Variants in SOS1 observed in about 807,000 individuals in gnomAD.
The protein encoded by SOS1 is SOS Ras/Rac guanine nucleotide exchange factor 1.
In SOS1, 25 loss-of-function variants were observed where a neutral mutation model predicts 157.6. The observed-to-expected ratio is 0.16, with a 90% CI of 0.12 to 0.22. SOS1 has a LOEUF of 0.22. Among genes scored for constraint, SOS1 ranks in the 10% least tolerant of loss-of-function variants. The probability of loss-of-function intolerance (pLI) is 1.00; values close to 1 mark genes in which losing one functional copy is unlikely to be tolerated. For missense variants in SOS1, 1,237 were observed against 1,599.1 expected (o/e 0.77, Z 3.86); for synonymous variants, 528 against 534.0 (o/e 0.99, Z 0.16).
rs1345189876 is a variant in SOS1 at position 38,989,257 on chromosome 2, CAAATAT to C, written c.3391+7_3391+12del. The C allele has an allele frequency of 1.3e-6, 2 of 1,574,768 alleles. No homozygotes were observed. Among genetic ancestry groups the C allele is most frequent in the African/African-American group, 2.7e-5 (2 of 74,010 alleles). ...AAAGCAAGAATTATGAGTCTTAAAC[CAAATAT>C]ACTAACTTGGGCCATGGGGCAGAGT... On this transcript the variant is annotated splice_region_variant and intron_variant, in intron 21 of 22. Transcript: ENST00000402219.
intron 1 of SOS1, among the ~76,000 whole-genome samples, chr2:39,090,506 G>C (rs559358453): frequency 2.6e-5 from 4 of 151,962 alleles, no homozygotes; most frequent in Non-Finnish European, 5.9e-5. Context: ...GACTGGCCTG[G>C]CCAACATGGC....
intron 8 of SOS1, among the ~76,000 whole-genome samples, chr2:39,034,058 T>C (rs1395817980): frequency 6.6e-6 from 1 of 152,244 alleles, no homozygotes; most frequent in Non-Finnish European, 1.5e-5. Context: ...TACTAAATGC[T>C]TCCTCTCTTG....
At chr2:39,117,028 CT>C (rs530087122) in intron 1 of SOS1, among the ~76,000 whole-genome samples, 15,425 of 138,422 alleles carry the variant, frequency 0.11, 759 homozygotes, top group East Asian at 0.18. Flanking sequence ...ATGTCATTTA[CT>C]TTTTTTTTTT....
intron 15 of SOS1, among the ~76,000 whole-genome samples, chr2:39,010,253 T>G (rs555194532): frequency 2.0e-5 from 3 of 150,958 alleles, no homozygotes; most frequent in Admixed American, 1.3e-4. Flanking sequence ...AAGGTGGAGG[T>G]TGCAGTGAGC....
At chr2:39,034,764 A>T (rs1670285837) in intron 8 of SOS1, 1 of 455,476 alleles carries the variant, frequency 2.2e-6, no homozygotes, top group Non-Finnish European at 4.4e-6. Flanking sequence ...AAAGTCAGGT[A>T]AACTAACCTT....
rs1264728625 is a variant in SOS1, at chr2:39,036,699, G to A, written c.865-1199C>T. On this transcript the variant is annotated intron_variant, in intron 6 of 22. Coordinates refer to ENST00000402219, the MANE Select transcript of SOS1 (RefSeq NM_005633.4). ...CGCCATTCTCCTGCCTCAGCCTCCC[G>A]AGTAGCTGGGATTACAGGCATCCGC... Among the ~76,000 whole-genome samples, 19 of 151,818 alleles carry A rather than the reference G, an allele frequency of 1.3e-4. 1 individual carries two copies. Among genetic ancestry groups the A allele is most frequent in the Admixed American group, 1.2e-3 (19 of 15,240 alleles).
intron 8 of SOS1, among the ~76,000 whole-genome samples, chr2:39,030,115 G>C (rs562868726): frequency 8.2e-4 from 125 of 151,970 alleles, no homozygotes; most frequent in African/African-American, 2.5e-3. Context: ...ACAGTGAGCT[G>C]TGATAGCACC....
chr2:39,045,740 T>TA (rs1231633663), intron 6 of SOS1, among the ~76,000 whole-genome samples: 1 of 152,162 alleles, frequency 6.6e-6, no homozygotes, highest in Non-Finnish European at 1.5e-5. Flanking sequence ...GACGGAGTCT[T>TA]GCTCTGTCGC....
intron 1 of SOS1, among the ~76,000 whole-genome samples, chr2:39,092,852 C>A (rs963804669): frequency 6.6e-6 from 1 of 152,178 alleles, no homozygotes; most frequent in Admixed American, 6.5e-5. Flanking sequence ...TAAAAATAGT[C>A]TCTCCAAACT....
chr2:39,030,803 T>C (rs1266578721), intron 8 of SOS1, among the ~76,000 whole-genome samples: 2 of 152,168 alleles, frequency 1.3e-5, no homozygotes, highest in Admixed American at 1.3e-4. Context: ...CAAGTTGAGA[T>C]GAGATCATCT....
chr2:39,074,082 G>A (rs917315545), intron 1 of SOS1, among the ~76,000 whole-genome samples: 1 of 151,942 alleles, frequency 6.6e-6, no homozygotes, highest in African/African-American at 2.4e-5. Flanking sequence ...GGGCGCGGTG[G>A]CCTACGCCTG....
chr2:39,055,162 T>C (rs1400498401), intron 4 of SOS1, among the ~76,000 whole-genome samples: 1 of 152,186 alleles, frequency 6.6e-6, no homozygotes, highest in African/African-American at 2.4e-5. Context: ...ATCATCACTT[T>C]ATTCCATGGC....
At chr2:39,026,962 A>G (rs940282519) in intron 8 of SOS1, among the ~76,000 whole-genome samples, 1 of 152,178 alleles carries the variant, frequency 6.6e-6, no homozygotes, top group Non-Finnish European at 1.5e-5. Context: ...CTTAAGGCAA[A>G]TTTAATGAAA....
intron 8 of SOS1, among the ~76,000 whole-genome samples, chr2:39,031,661 T>A (rs149541492): frequency 1.3e-5 from 2 of 151,988 alleles, no homozygotes; most frequent in African/African-American, 4.8e-5. Context: ...AAGGCAGAGT[T>A]TGCAGTGAGC....
intron 1 of SOS1, among the ~76,000 whole-genome samples, chr2:39,086,749 G>C (rs1167003781): frequency 6.6e-6 from 1 of 152,128 alleles, no homozygotes; most frequent in Non-Finnish European, 1.5e-5. Flanking sequence ...AAGGGAGTCT[G>C]CTGACTCCTG....
intron 1 of SOS1, among the ~76,000 whole-genome samples, chr2:39,079,751 C>G (rs1009373800): frequency 1.3e-5 from 2 of 152,046 alleles, no homozygotes; most frequent in African/African-American, 2.4e-5. Flanking sequence ...CCTTGGCCTC[C>G]CAAAGTGCTG....
intron 1 of SOS1, among the ~76,000 whole-genome samples, chr2:39,109,407 T>TC (rs2148221173): frequency 6.6e-6 from 1 of 152,228 alleles, no homozygotes; most frequent in Non-Finnish European, 1.5e-5. Context: ...ACCCTTTTTT[T>TC]CCAAATGAAA....
chr2:39,121,472 TAGAAGTG>T (rs1008007137), upstream of SOS1, among the ~76,000 whole-genome samples: 4 of 152,242 alleles, frequency 2.6e-5, no homozygotes, highest in African/African-American at 9.6e-5. Flanking sequence ...TGCTGAGTAG[TAGAAGTG>T]ATTGCGGTGT....
chr2:38,989,201 A>T (rs1668644877), intron 21 of SOS1, 69 bp downstream of exon 21: 1 of 1,080,890 alleles, frequency 9.3e-7, no homozygotes. Context: ...TTTTAGCAGG[A>T]AAGGTTACAC....
Sources: gnomAD v4.1 joint callset for allele counts (sites outside exome capture counted in the v4.1 genomes callset) on GRCh38, gnomAD v4.1.1 for gene constraint, MANE v1.5 for transcripts, NCBI Gene and HGNC (gene_info 2026-07-23, HGNC 2026-07-21) for gene names.